Variants in AKAP1 observed in about 807,000 individuals in gnomAD.
AKAP1 encodes A-kinase anchor protein 1, mitochondrial.
Under a neutral mutation model 79.8 loss-of-function variants are expected in AKAP1, and 32 were observed. The ratio of observed to expected loss-of-function variants is 0.40; its 90% CI spans 0.30 to 0.54. The LOEUF is 0.54. AKAP1 is among the 20% of genes least tolerant of loss of function. The pLI, the probability that AKAP1 is intolerant of heterozygous loss-of-function variation, is 0.47. For synonymous variants in AKAP1, 416 were observed against 466.7 expected, an observed-to-expected ratio of 0.89 and a Z score of 1.40; for missense variants, 961 against 1,138.9, an observed-to-expected ratio of 0.84 and a Z score of 2.25.
intron 1 of AKAP1, 57 bp from the exon 2 acceptor site, chr17:57,105,384 G>A: frequency 6.5e-7 from 1 of 1,549,768 alleles, no homozygotes; most frequent in Non-Finnish European, 8.9e-7. Flanking sequence ...GCGGTTGCCA[G>A]TATCCTCCTA....
At position 57,096,892 on chromosome 17, in the gene AKAP1, A is replaced by AGT. The variant is rs556035687; in HGVS notation, c.-24-8548_-24-8547dup. On this transcript the variant is annotated intron_variant, in intron 1 of 10. Transcript: ENST00000337714. ...AGGTGGAGAGTTCAAGTTAACCTAAAGTAGAATTCAGTGCCCTAGTCACAC... is the reference window on the plus strand; with the variant it reads ...AGGTGGAGAGTTCAAGTTAACCTAAAGTGTAGAATTCAGTGCCCTAGTCACAC... The AGT allele has an allele frequency of 6.6e-5, 10 of 152,262 alleles. No individual in the cohort carries two copies. In the South Asian group the frequency reaches 2.1e-3, roughly 32 times the overall value. The allele number at this position is 152,262 out of a possible 1,614,324, so 9.4% of individuals were successfully genotyped here.
At chr17:57,101,566 G>A (rs969218750) in intron 1 of AKAP1, 1 of 152,130 alleles carries the variant, frequency 6.6e-6, no homozygotes, top group Admixed American at 6.6e-5. Context: ...TGCTGCTGGG[G>A]TCTCACTCTA....
Position 57,112,494 on chromosome 17 carries a change from C to A in AKAP1, c.1979C>A (p.Ser660Tyr). 1 of 1,613,672 alleles carries A rather than the reference C, an allele frequency of 6.2e-7. No homozygotes were observed. The highest frequency in any genetic ancestry group is 8.5e-7 in the Non-Finnish European group (1 of 1,179,812). Residue 660 changes from serine (S) to tyrosine (Y), a missense_variant, in exon 5 of 11, where the codon TCT becomes TAT. By Grantham distance (144) the Ser-to-Tyr change is moderately radical (BLOSUM62 -2). Transcript: ENST00000337714. ...QSVQICHIEG[S>Y]QHHVDKALNL... ...CCTGCCCCCATCCGCTATTTAGGCT[C>A]TCAACATCATGTAGACAAAGCGCTG...
intron 1 of AKAP1, among the ~76,000 whole-genome samples, chr17:57,105,048 C>T (rs138100093): frequency 1.3e-5 from 2 of 152,158 alleles, no homozygotes; most frequent in African/African-American, 2.4e-5. Context: ...TGCTCTGATG[C>T]CACTTGATAG....
In AKAP1 at chr17:57,107,292, T is replaced by G. The variant is rs1914957008; in HGVS notation, c.1714+114T>G. 2.1e-6 allele frequency: 3 copies of G among 1,442,710 alleles called. No individual in the cohort carries two copies. In the East Asian group the frequency reaches 6.9e-5, roughly 33 times the overall value. The allele number at this position is 1,442,710 out of a possible 1,614,324, so 89.4% of individuals were successfully genotyped here. A position where few individuals can be genotyped will look rare whatever the true frequency, so the allele number is the denominator to read the frequency against. On this transcript the variant is annotated intron_variant, in intron 2 of 10. Transcript: ENST00000337714. Reference sequence around the variant, plus strand: ...TTGTGCAGCAAAGTCATAGTGCTCTTCAGCTCTTTATCGCAACCTGCAGAG... The same window carrying G: ...TTGTGCAGCAAAGTCATAGTGCTCTGCAGCTCTTTATCGCAACCTGCAGAG...
At position 57,106,891 on chromosome 17, in the gene AKAP1, A is replaced by G. The variant is rs777822999; in HGVS notation, c.1427A>G (p.Asp476Gly). Residue 476 changes from aspartate (D) to glycine (G), a missense_variant, in exon 2 of 11, where the codon GAC becomes GGC. This residue lies in a region of AKAP1 where 629 missense variants were observed against 781.1 expected (regional missense o/e 0.81). Coordinates refer to ENST00000337714, the MANE Select transcript of AKAP1 (RefSeq NM_003488.4). Reference sequence around the variant, plus strand: ...ACCACCCCCAGTGAAGAGTTGCCGGACCGGGCAGGCATCCTGGTGGAAGAT... The same window carrying G: ...ACCACCCCCAGTGAAGAGTTGCCGGGCCGGGCAGGCATCCTGGTGGAAGAT... ...ALTTPSEELPDRAGILVEDAT... is the reference protein window; with the variant it reads ...ALTTPSEELPGRAGILVEDAT... 2 of 1,613,870 alleles carry G rather than the reference A, an allele frequency of 1.2e-6. No homozygotes were observed. The highest frequency in any genetic ancestry group is 1.7e-6 in the Non-Finnish European group (2 of 1,179,730).
chr17:57,106,078 C>T lies in AKAP1; in HGVS notation c.614C>T (p.Thr205Ile). The change falls in exon 2 of 11, where the codon ACT becomes ATT. Residue 205 changes from threonine (T) to isoleucine (I), a missense_variant. Physicochemically the swap from Thr to Ile is moderately conservative, Grantham distance 89. Transcript: ENST00000337714. ...RARETGGAEGTGDAVLGEKVL... is the reference protein window; with the variant it reads ...RARETGGAEGIGDAVLGEKVL... ...AGAGAGACAGGTGGGGCCGAAGGGA[C>T]TGGTGATGCCGTGTTGGGGGAAAAG... The T allele has an allele frequency of 1.2e-6, 2 of 1,607,608 alleles. No homozygotes were observed. Among genetic ancestry groups the T allele is most frequent in the Admixed American group, 1.7e-5 (1 of 59,624 alleles).
rs111826623 is a variant in AKAP1 at position 57,116,264 on chromosome 17, G to A, written c.2432+3G>A. ...GTAGACGTGCTCCGGCAAATCAGGT[G>A]AGCGGAGATGCCTCAGGCAGGCCTA... On this transcript the variant is annotated splice_donor_region_variant and intron_variant, in intron 7 of 10. Transcript: ENST00000337714. 8.1e-6 allele frequency: 13 copies of A among 1,613,974 alleles called. No homozygotes were observed. Among genetic ancestry groups the A allele is most frequent in the Non-Finnish European group, 1.1e-5 (13 of 1,180,008 alleles).
chr17:57,110,746 C>T (rs1031955115), intron 3 of AKAP1, among the ~76,000 whole-genome samples: 1 of 152,150 alleles, frequency 6.6e-6, no homozygotes, highest in Non-Finnish European at 1.5e-5. Context: ...ATTTAATTTT[C>T]GTGTGTTATT....
At chr17:57,094,712 G>A (rs540097078) in intron 1 of AKAP1, 1 of 150,512 alleles carries the variant, frequency 6.6e-6, no homozygotes, top group South Asian at 2.1e-4. Context: ...CTGGGCTCAA[G>A]TGATCCTCCC....
At chr17:57,100,307 C>T (rs896961814) in intron 1 of AKAP1, among the ~76,000 whole-genome samples, 3 of 152,156 alleles carry the variant, frequency 2.0e-5, no homozygotes, top group African/African-American at 7.2e-5. Context: ...CTGACCTGGC[C>T]AGGCGCGGTG....
rs1021788643 is a variant in AKAP1, at chr17:57,110,726, A to C, written c.1848+568A>C. Among the ~76,000 whole-genome samples, 5 of 152,232 alleles carry C rather than the reference A, an allele frequency of 3.3e-5. No homozygotes were observed. In the East Asian group the frequency reaches 9.6e-4, roughly 29 times the overall value. On this transcript the variant is annotated intron_variant, in intron 3 of 10. Transcript: ENST00000337714. ...TATGTCGCTTTAATTAATACTTTAAATATTTAACAATTTAATTTTCGTGTG... is the reference window on the plus strand; with the variant it reads ...TATGTCGCTTTAATTAATACTTTAACTATTTAACAATTTAATTTTCGTGTG...
At chr17:57,085,490 G>C (rs904095443) in intron 1 of AKAP1, 92 bp downstream of exon 1, 2 of 152,224 alleles carry the variant, frequency 1.3e-5, no homozygotes, top group Non-Finnish European at 2.9e-5. Flanking sequence ...GCAGGTGCAG[G>C]GTGCGACGCG....
chr17:57,109,990 G>T (rs752939942), intron 2 of AKAP1, 35 bp from the exon 3 acceptor site: 2 of 1,610,004 alleles, frequency 1.2e-6, no homozygotes, highest in Non-Finnish European at 1.7e-6. Flanking sequence ...AGTGGGGTCT[G>T]TGTGTGTGCG....
intron 4 of AKAP1, 30 bp downstream of exon 4, chr17:57,111,954 C>G: frequency 6.3e-7 from 1 of 1,598,940 alleles, no homozygotes; most frequent in Admixed American, 1.7e-5. Context: ...TGTATTGCCT[C>G]TTACCTGAAA....
At chr17:57,109,082 A>C (rs980072135) in intron 2 of AKAP1, among the ~76,000 whole-genome samples, 2 of 152,240 alleles carry the variant, frequency 1.3e-5, no homozygotes, top group Non-Finnish European at 2.9e-5. Context: ...AGTTCTCTGC[A>C]TCCAGTGTAT....
At chr17:57,104,159 C>T (rs1389072948) in intron 1 of AKAP1, among the ~76,000 whole-genome samples, 1 of 152,250 alleles carries the variant, frequency 6.6e-6, no homozygotes, top group Non-Finnish European at 1.5e-5. Flanking sequence ...AGGGTTTCAC[C>T]GTGTTGCCCA....
Position 57,109,996 on chromosome 17 carries a change from G to T in AKAP1, c.1715-29G>T, listed in dbSNP as rs779352877. 1.9e-6 allele frequency: 3 copies of T among 1,612,204 alleles called. No individual in the cohort carries two copies. In the Admixed American group the frequency reaches 5.0e-5, roughly 27 times the overall value. On this transcript the variant is annotated intron_variant, in intron 2 of 10. Transcript: ENST00000337714. The stretch of plus-strand genomic sequence containing the variant: ...GCTGCTCTGAGTGGGGTCTGTGTGT[G>T]TGCGTGCCTGCTGCTTCTTCCCCTG...
chr17:57,107,961 C>T (rs777957431), intron 2 of AKAP1: 21 of 1,289,500 alleles, frequency 1.6e-5, no homozygotes, highest in Non-Finnish European at 1.8e-5. Context: ...GCTCCACCCC[C>T]GGGAAAGCGG....
Sources: allele counts gnomAD v4.1 joint callset (sites outside exome capture counted in the v4.1 genomes callset), GRCh38; gene constraint gnomAD v4.1.1; regional missense constraint gnomAD v4.1.1; transcripts MANE v1.5; gene names NCBI Gene and HGNC (gene_info 2026-07-23, HGNC 2026-07-21).